The following WDPCP variants were observed in gnomAD, a reference collection of about 807,000 sequenced individuals.
The protein encoded by WDPCP is WD repeat containing planar cell polarity effector.
A neutral mutation model predicts 93.1 loss-of-function variants in WDPCP; 71 were observed. The observed-to-expected ratio is 0.76, with a 90% CI of 0.63 to 0.93. The LOEUF is 0.93. Ranked by LOEUF, WDPCP falls within the 40% of genes least tolerant of loss-of-function variation. The pLI is 0.00. For missense variants in WDPCP, 844 were observed against 887.4 expected, an observed-to-expected ratio of 0.95 and a Z score of 0.62; for synonymous variants, 315 against 315.0, an observed-to-expected ratio of 1.00 and a Z score of 0.00.
chr2:63,271,354 G>C (rs963161733), intron 13 of WDPCP, among the ~76,000 whole-genome samples: 1 of 152,216 alleles, frequency 6.6e-6, no homozygotes, highest in African/African-American at 2.4e-5. Flanking sequence ...TACTGCATGA[G>C]TGCACTGTCC....
Position 63,302,371 on chromosome 2 carries a change from C to A in WDPCP, c.1812+10877G>T, listed in dbSNP as rs11677180. Reference sequence around the variant, plus strand: ...GGAAGAAATACAGCAAATACCATTCCCAGTAGGATAGGAAATACCTGTTCA... The same window carrying A: ...GGAAGAAATACAGCAAATACCATTCACAGTAGGATAGGAAATACCTGTTCA... On this transcript the variant is annotated intron_variant, in intron 13 of 17. Transcript: ENST00000272321. Among the ~76,000 whole-genome samples the A allele has an allele frequency of 2.2e-3, 339 of 152,212 alleles. 1 individual carries two copies. The highest frequency in any genetic ancestry group is 4.2e-3 in the Non-Finnish European group (288 of 67,988).
chr2:63,578,106 GTTATAT>G (rs1708240321), intron 1 of WDPCP, among the ~76,000 whole-genome samples: 1 of 152,112 alleles, frequency 6.6e-6, no homozygotes, highest in South Asian at 2.1e-4. Context: ...AATACACTGT[GTTATAT>G]TTATATCTCT....
In WDPCP at chr2:63,373,756, T is replaced by C. The variant is rs375794455; in HGVS notation, c.1748+4630A>G. ...TTCTTGCCATCTTTGGGGTTAATTT[T>C]TTTTCTTTATCCAACATTTTCCCTC... On this transcript the variant is annotated intron_variant, in intron 12 of 17. Coordinates refer to ENST00000272321, the MANE Select transcript of WDPCP (RefSeq NM_015910.7). Among the ~76,000 whole-genome samples the C allele has an allele frequency of 5.3e-5, 8 of 152,240 alleles. No individual in the cohort carries two copies. In the East Asian group the frequency reaches 7.7e-4, roughly 15 times the overall value.
chr2:63,360,161 T>C (rs1193475404), intron 12 of WDPCP: 1 of 152,200 alleles, frequency 6.6e-6, no homozygotes, highest in Non-Finnish European at 1.5e-5. Flanking sequence ...AAAAGAAGTA[T>C]CTATTAAAAC....
At chr2:63,234,588 GTGGCTGGCT>G (rs1233161828) in intron 14 of WDPCP, among the ~76,000 whole-genome samples, 2 of 152,206 alleles carry the variant, frequency 1.3e-5, no homozygotes, top group Non-Finnish European at 2.9e-5. Flanking sequence ...CAAGAAAGCT[GTGGCTGGCT>G]TTTGTTAATT....
At chr2:63,721,958 T>C (rs992067868) in intron 2 of WDPCP, among the ~76,000 whole-genome samples, 2 of 152,146 alleles carry the variant, frequency 1.3e-5, no homozygotes, top group African/African-American at 4.8e-5. Flanking sequence ...CTCCAGCCCC[T>C]AACCGCAAGT....
At chr2:63,472,527 A>G (rs962023767) in intron 6 of WDPCP, among the ~76,000 whole-genome samples, 75 of 151,848 alleles carry the variant, frequency 4.9e-4, no homozygotes, top group African/African-American at 1.8e-3. Flanking sequence ...TAATTTTTCT[A>G]TTTACGCTGT....
chr2:63,245,809 A>G (rs1003501482), intron 14 of WDPCP, among the ~76,000 whole-genome samples: 1 of 152,170 alleles, frequency 6.6e-6, no homozygotes, highest in Non-Finnish European at 1.5e-5. Flanking sequence ...CTATATATTT[A>G]TGGGTACATG....
At chr2:63,514,225 C>T (rs1575560280) in intron 1 of WDPCP, among the ~76,000 whole-genome samples, 2 of 151,990 alleles carry the variant, frequency 1.3e-5, no homozygotes, top group South Asian at 2.1e-4. Flanking sequence ...ACTCTTTGGC[C>T]TTTTATACTA....
At position 63,404,091 on chromosome 2, in the gene WDPCP, G is replaced by A. The variant is rs770628323; in HGVS notation, c.1392C>T (p.Leu464=). Residue 464 remains leucine (L), a synonymous_variant, in exon 10 of 18, where the codon CTC becomes CTT. Transcript: ENST00000272321. The stretch of plus-strand genomic sequence containing the variant: ...CACCCAAAGGTCCTCTTTCAAACCT[G>A]AGGAAGAGGAGATCATAGATATCAC... The part of the protein sequence containing the change: ...EGSDIYDLLF[L]RFERGPLGVL... 3 of 1,614,064 alleles carry A rather than the reference G, an allele frequency of 1.9e-6. No homozygotes were observed. The highest frequency in any genetic ancestry group is 3.3e-5 in the Admixed American group (2 of 59,990).
chr2:63,294,253 C>T (rs1052322616), intron 13 of WDPCP, among the ~76,000 whole-genome samples: 2 of 152,124 alleles, frequency 1.3e-5, no homozygotes, highest in African/African-American at 4.8e-5. Flanking sequence ...CCTGTAATCC[C>T]CACACTTTGG....
chr2:63,229,317 T>C (rs1224863088), intron 14 of WDPCP: 1 of 152,218 alleles, frequency 6.6e-6, no homozygotes, highest in East Asian at 1.9e-4. Context: ...GAGTTCTTTG[T>C]AGATTCTGGA....
intron 1 of WDPCP, among the ~76,000 whole-genome samples, chr2:63,529,125 G>A (rs921698597): frequency 1.3e-5 from 2 of 152,142 alleles, no homozygotes; most frequent in African/African-American, 4.8e-5. Context: ...CTGAGACGAG[G>A]GGGTTTTCTA....
chr2:63,368,272 T>TTTGAG (rs1169443536), intron 12 of WDPCP, among the ~76,000 whole-genome samples: 1 of 151,612 alleles, frequency 6.6e-6, no homozygotes, highest in African/African-American at 2.4e-5. Flanking sequence ...TCAATAGTTT[T>TTTGAG]TTGAGTTCTA....
chr2:63,392,785 A>T (rs1693382819), intron 10 of WDPCP, among the ~76,000 whole-genome samples: 1 of 152,230 alleles, frequency 6.6e-6, no homozygotes, highest in African/African-American at 2.4e-5. Context: ...CACATGAAAA[A>T]ATGCTCATCA....
At chr2:63,806,600 A>G (rs796193366) in intron 2 of WDPCP, among the ~76,000 whole-genome samples, 1 of 152,164 alleles carries the variant, frequency 6.6e-6, no homozygotes, top group Non-Finnish European at 1.5e-5. Context: ...TAAGCCTGGG[A>G]GCGCTATGGG....
At chr2:63,575,938 A>C (rs1401325245) in intron 1 of WDPCP, among the ~76,000 whole-genome samples, 1 of 152,174 alleles carries the variant, frequency 6.6e-6, no homozygotes. Flanking sequence ...CAATGAAAGC[A>C]CAATTCATAA....
intron 6 of WDPCP, among the ~76,000 whole-genome samples, chr2:63,477,284 A>C (rs531550751): frequency 6.6e-6 from 1 of 152,262 alleles, no homozygotes; most frequent in South Asian, 2.1e-4. Context: ...AAGAAATTCA[A>C]AGCAAGAAAT....
At chr2:63,450,851 C>G (rs73937815) in intron 6 of WDPCP, among the ~76,000 whole-genome samples, 2,330 of 148,760 alleles carry the variant, frequency 0.016, 60 homozygotes, top group African/African-American at 0.053. Context: ...AAAAAGTCAT[C>G]CCCTACAAAA....
Sources: allele counts gnomAD v4.1 joint callset (sites outside exome capture counted in the v4.1 genomes callset), GRCh38; gene constraint gnomAD v4.1.1; transcripts MANE v1.5; gene names NCBI Gene and HGNC (gene_info 2026-07-23, HGNC 2026-07-21).